Variants in RBL1 observed in about 807,000 individuals in gnomAD.
RBL1 encodes the protein RB transcriptional corepressor like 1, also known as retinoblastoma-like protein 1.
In RBL1, 82 loss-of-function variants were observed where a neutral mutation model predicts 123.0. The ratio of observed to expected loss-of-function variants is 0.67; its 90% confidence interval spans 0.56 to 0.80. RBL1 has a LOEUF of 0.80. RBL1 is among the 30% of genes least tolerant of loss of function. The pLI, the probability that RBL1 is intolerant of heterozygous loss-of-function variation, is 0.00. For synonymous variants in RBL1, 405 were observed against 441.3 expected (o/e 0.92, Z 1.03); for missense variants, 1,171 against 1,299.6 (o/e 0.90, Z 1.52).
chr20:37,019,097 G>A (rs1357565026), intron 18 of RBL1, among the ~76,000 whole-genome samples: 2 of 151,148 alleles, frequency 1.3e-5, no homozygotes, highest in Non-Finnish European at 1.5e-5. Context: ...AGACTGGAGT[G>A]CAGTGGCACA....
chr20:37,045,844 T>G (rs1256667838), intron 12 of RBL1, among the ~76,000 whole-genome samples: 1 of 152,214 alleles, frequency 6.6e-6, no homozygotes, highest in Non-Finnish European at 1.5e-5. Flanking sequence ...AGGCATACTT[T>G]AGGTATAAAA....
chr20:37,060,680 G>C (rs373401099), intron 9 of RBL1, among the ~76,000 whole-genome samples: 17 of 152,150 alleles, frequency 1.1e-4, no homozygotes, highest in African/African-American at 4.1e-4. Context: ...TAACTTGGGG[G>C]ACTGAGGTGG....
intron 19 of RBL1, among the ~76,000 whole-genome samples, chr20:37,012,711 G>A (rs1402571212): frequency 2.7e-5 from 4 of 149,538 alleles, no homozygotes; most frequent in Non-Finnish European, 6.0e-5. Context: ...ACCCCCGCCA[G>A]GCCAGCCGCC....
chr20:37,028,051 G>A (rs1046595461), intron 16 of RBL1, among the ~76,000 whole-genome samples: 1 of 152,118 alleles, frequency 6.6e-6, no homozygotes, highest in African/African-American at 2.4e-5. Flanking sequence ...CACCATGCCT[G>A]GCCTAGATTT....
At chr20:37,095,047 G>A (rs1028570063) in intron 1 of RBL1, among the ~76,000 whole-genome samples, 1 of 152,188 alleles carries the variant, frequency 6.6e-6, no homozygotes, top group Non-Finnish European at 1.5e-5. Context: ...CAGGGCTGTT[G>A]CGAGGATAAA....
intron 19 of RBL1, among the ~76,000 whole-genome samples, chr20:37,011,186 T>TA (rs1407222773): frequency 6.6e-6 from 1 of 152,190 alleles, no homozygotes; most frequent in East Asian, 1.9e-4. Context: ...TTCAATTAAC[T>TA]ACAATACACT....
chr20:37,013,371 A>T (rs1400838603), intron 19 of RBL1, among the ~76,000 whole-genome samples: 2 of 151,442 alleles, frequency 1.3e-5, no homozygotes, highest in Non-Finnish European at 2.9e-5. Flanking sequence ...GTGCTTTGTT[A>T]AACAGATGCT....
rs527264767 is a variant in RBL1 at position 37,026,437 on chromosome 20, G to A, written c.2383-3611C>T. ...ATAAAAAATTATTGCCGGGCGCAGT[G>A]GCTCATGCCTGTAATCCCAGCACTT... On this transcript the variant is annotated intron_variant, in intron 16 of 21. Transcript: ENST00000373664. Among the ~76,000 whole-genome samples the A allele has an allele frequency of 3.9e-5, 6 of 152,256 alleles. No individual in the cohort carries two copies. The East Asian group carries it at 5.8e-4, about 15-fold the overall frequency.
intron 21 of RBL1, among the ~76,000 whole-genome samples, chr20:37,002,344 T>G (rs1174929639): frequency 7.4e-6 from 1 of 135,574 alleles, no homozygotes; most frequent in African/African-American, 2.7e-5. Flanking sequence ...CTGTTTTTTT[T>G]TTTTTTTTTT....
At chr20:37,030,010 T>TA (rs1353618909) in intron 16 of RBL1, among the ~76,000 whole-genome samples, 1 of 152,198 alleles carries the variant, frequency 6.6e-6, no homozygotes, top group African/African-American at 2.4e-5. Context: ...ATGTCAACAC[T>TA]AGCCAATGCG....
At chr20:37,035,138 A>G (rs1284378184) in intron 15 of RBL1, 104 bp downstream of exon 15, 2 of 1,193,292 alleles carry the variant, frequency 1.7e-6, no homozygotes, top group African/African-American at 3.1e-5. Context: ...GTATAGGTTC[A>G]AGAAAAAATA....
Position 37,049,557 on chromosome 20 carries a change from T to C in RBL1, c.1468-2367A>G, listed in dbSNP as rs185877625. On this transcript the variant is annotated intron_variant, in intron 11 of 21. Transcript: ENST00000373664. ...TTAAGCTGGCTATCCTGAAATATTATAAGGTAGATGAGAACGGCAAAATTA... is the reference window on the plus strand; with the variant it reads ...TTAAGCTGGCTATCCTGAAATATTACAAGGTAGATGAGAACGGCAAAATTA... The C allele has an allele frequency of 7.5e-4, 570 of 756,694 alleles. 7 individuals are homozygous for C. The East Asian group carries it at 0.014, about 18-fold the overall frequency. The allele number at this position is 756,694 out of a possible 1,614,324, so 46.9% of individuals were successfully genotyped here.
chr20:37,066,135 A>C (rs2065173186), intron 6 of RBL1, among the ~76,000 whole-genome samples: 1 of 152,348 alleles, frequency 6.6e-6, no homozygotes, highest in African/African-American at 2.4e-5. Context: ...AGAAATCTTG[A>C]GGCTTAACTA....
In RBL1 at chr20:36,998,632, T is replaced by G. The variant is rs2063914502; in HGVS notation, c.*127A>C. The G allele has an allele frequency of 2.5e-5, 20 of 785,044 alleles. No homozygotes were observed. In the South Asian group the frequency reaches 4.4e-4, roughly 17 times the overall value. The allele number at this position is 785,044 out of a possible 1,614,324, so 48.6% of individuals were successfully genotyped here. A position where few individuals can be genotyped will look rare whatever the true frequency, so the allele number is the denominator to read the frequency against. Reference sequence around the variant, plus strand: ...TAAATATTTTAAAAAGCACATAATTTTTGTGCAATTTTTTCTTATAACCCA... The same window carrying G: ...TAAATATTTTAAAAAGCACATAATTGTTGTGCAATTTTTTCTTATAACCCA... On this transcript the variant is annotated 3_prime_UTR_variant, in exon 22 of 22. Transcript: ENST00000373664.
Position 37,063,969 on chromosome 20 carries a change from C to T in RBL1, c.896+1455G>A, listed in dbSNP as rs1423490855. Among the ~76,000 whole-genome samples, 7 of 147,124 alleles carry T rather than the reference C, an allele frequency of 4.8e-5. No homozygotes were observed. In the East Asian group the frequency reaches 1.4e-3, roughly 30 times the overall value. On this transcript the variant is annotated intron_variant, in intron 7 of 21. Transcript: ENST00000373664. ...TCCCAAGTAGCTGGGACTACAGGCT[C>T]ACGCCACTACGTCTGGCTGATTTTG...
intron 2 of RBL1, among the ~76,000 whole-genome samples, chr20:37,080,023 G>C (rs915870299): frequency 9.2e-5 from 14 of 151,544 alleles, no homozygotes; most frequent in Non-Finnish European, 1.9e-4. Context: ...GTCAAGGCTG[G>C]AATTTAATAA....
intron 7 of RBL1, among the ~76,000 whole-genome samples, chr20:37,064,121 C>A (rs1284698231): frequency 6.6e-6 from 1 of 150,832 alleles, no homozygotes; most frequent in Non-Finnish European, 1.5e-5. Flanking sequence ...CTGTGCCCGG[C>A]CTTAATTTCT....
intron 19 of RBL1, among the ~76,000 whole-genome samples, chr20:37,016,022 T>TA (rs1684045034): frequency 4.2e-5 from 3 of 72,102 alleles, no homozygotes; most frequent in Non-Finnish European, 9.1e-5. Flanking sequence ...TGCCCAGCGG[T>TA]TTTTTTTTTT....
chr20:37,068,044 C>G lies in RBL1; in HGVS notation c.433G>C (p.Asp145His), dbSNP rs746277766. 4 of 1,613,434 alleles carry G rather than the reference C, an allele frequency of 2.5e-6. No individual in the cohort carries two copies. In the East Asian group the frequency reaches 6.7e-5, roughly 27 times the overall value. ...TCTTCATATGGATTTTGAAATATAT[C>G]TAAAAAAATTGGCTCATATTTTTTG... Reference protein sequence around the residue: ...IFKKYEPIFLDIFQNPYEEPP... With the variant: ...IFKKYEPIFLHIFQNPYEEPP... The change falls in exon 3 of 22, where the codon GAT (aspartate) becomes CAT (histidine). Residue 145 changes from aspartate (D) to histidine (H), a missense_variant. Physicochemically the swap from Asp to His is moderately conservative, Grantham distance 81. Transcript: ENST00000373664.
Sources: gnomAD v4.1 joint callset for allele counts (sites outside exome capture counted in the v4.1 genomes callset) on GRCh38, gnomAD v4.1.1 for gene constraint, MANE v1.5 for transcripts, NCBI Gene and HGNC (gene_info 2026-07-23, HGNC 2026-07-21) for gene names.